The following MYO9A variants were observed in gnomAD, a reference collection of about 807,000 sequenced individuals.
MYO9A encodes myosin IXA, also known as unconventional myosin-IXa.
In MYO9A, 103 loss-of-function variants were observed where a neutral mutation model predicts 293.3. The ratio of observed to expected loss-of-function variants is 0.35; its 90% CI spans 0.30 to 0.41. MYO9A has a LOEUF of 0.41. MYO9A is among the 10% of genes least tolerant of loss of function. MYO9A has a pLI of 1.00. For synonymous variants in MYO9A, 1,001 were observed against 1,035.7 expected, an observed-to-expected ratio of 0.97 and a Z score of 0.64; for missense variants, 2,685 against 3,033.0, an observed-to-expected ratio of 0.89 and a Z score of 2.69.
At chr15:71,940,407 G>T (rs560657470) in intron 15 of MYO9A, among the ~76,000 whole-genome samples, 3 of 152,098 alleles carry the variant, frequency 2.0e-5, no homozygotes, top group African/African-American at 7.2e-5. Flanking sequence ...TGGGAGAACT[G>T]CTTGGGCCCC....
At chr15:72,099,627 G>A (rs112503014) in intron 1 of MYO9A, among the ~76,000 whole-genome samples, 1 of 151,732 alleles carries the variant, frequency 6.6e-6, no homozygotes, top group African/African-American at 2.4e-5. Flanking sequence ...CCAAGGCTGG[G>A]CGCGGTGGCT....
At chr15:72,003,862 T>G (rs568218113) in intron 8 of MYO9A, among the ~76,000 whole-genome samples, 4 of 152,170 alleles carry the variant, frequency 2.6e-5, no homozygotes, top group Non-Finnish European at 5.9e-5. Context: ...CAAATACAGT[T>G]GCTCATAAGG....
chr15:72,085,393 CAAA>C (rs766156056), intron 1 of MYO9A, among the ~76,000 whole-genome samples: 1 of 95,158 alleles, frequency 1.1e-5, no homozygotes. Context: ...GAGTCTGTCT[CAAA>C]AAAAAAAAAA....
At chr15:71,867,558 A>G (rs538374706) in intron 32 of MYO9A, among the ~76,000 whole-genome samples, 1 of 152,194 alleles carries the variant, frequency 6.6e-6, no homozygotes, top group East Asian at 1.9e-4. Context: ...ACCAAAGCCA[A>G]AAGAAAAATG....
At chr15:71,984,185 C>G (rs2076351009) in intron 11 of MYO9A, among the ~76,000 whole-genome samples, 1 of 152,170 alleles carries the variant, frequency 6.6e-6, no homozygotes, top group Non-Finnish European at 1.5e-5. Context: ...TGATTTTGCC[C>G]AACTGTAGGC....
intron 14 of MYO9A, chr15:71,959,623 C>A: frequency 3.9e-6 from 1 of 257,110 alleles, no homozygotes; most frequent in Non-Finnish European, 7.4e-6. Context: ...TTTAAAAATC[C>A]ATGAACTAAG....
chr15:72,110,435 C>CAA (rs397854173), intron 1 of MYO9A, among the ~76,000 whole-genome samples: 527 of 43,358 alleles, frequency 0.012, 1 homozygote, highest in Middle Eastern at 0.017. Flanking sequence ...GACTCCATCT[C>CAA]AAAAAAAAAA....
chr15:71,939,669 T>A (rs1214358325), intron 15 of MYO9A, among the ~76,000 whole-genome samples: 1 of 152,222 alleles, frequency 6.6e-6, no homozygotes, highest in Non-Finnish European at 1.5e-5. Flanking sequence ...ACGATGAATA[T>A]AAAAGAAATT....
At chr15:71,979,948 CT>C in intron 11 of MYO9A, among the ~76,000 whole-genome samples, 1 of 152,278 alleles carries the variant, frequency 6.6e-6, no homozygotes, top group East Asian at 1.9e-4. Context: ...AAGGAATAAA[CT>C]TTGAGAATCA....
At chr15:72,072,090 G>T (rs1161094619) in intron 1 of MYO9A, among the ~76,000 whole-genome samples, 1 of 142,990 alleles carries the variant, frequency 7.0e-6, no homozygotes, top group African/African-American at 2.6e-5. Flanking sequence ...AAAAAAAAAA[G>T]TATATATAAT....
intron 1 of MYO9A, among the ~76,000 whole-genome samples, chr15:72,081,644 T>C (rs772852173): frequency 2.6e-5 from 4 of 152,224 alleles, no homozygotes; most frequent in Non-Finnish European, 5.9e-5. Context: ...TGGTAGTGCC[T>C]AGGTTGTCTT....
At chr15:71,918,602 G>T (rs556736325) in intron 18 of MYO9A, among the ~76,000 whole-genome samples, 44 of 152,104 alleles carry the variant, frequency 2.9e-4, no homozygotes, top group African/African-American at 1.0e-3. Context: ...ACAGCTTCAC[G>T]GTATGTATAT....
chr15:71,997,674 C>T (rs984027940), intron 9 of MYO9A, among the ~76,000 whole-genome samples: 1 of 151,808 alleles, frequency 6.6e-6, no homozygotes, highest in Non-Finnish European at 1.5e-5. Context: ...CAGAAGGTTA[C>T]ATTCAAAGTT....
chr15:71,918,401 T>C (rs2058068321), intron 18 of MYO9A, among the ~76,000 whole-genome samples: 2 of 152,310 alleles, frequency 1.3e-5, no homozygotes, highest in African/African-American at 4.8e-5. Context: ...ATATAAAGTA[T>C]GCTTCATTTA....
intron 1 of MYO9A, among the ~76,000 whole-genome samples, chr15:72,087,818 T>C (rs137922965): frequency 6.6e-6 from 1 of 152,348 alleles, no homozygotes; most frequent in Non-Finnish European, 1.5e-5. Context: ...TTACCTTCTA[T>C]TCTTTTCTGC....
At chr15:72,106,602 T>A (rs536644264) in intron 1 of MYO9A, among the ~76,000 whole-genome samples, 27 of 152,304 alleles carry the variant, frequency 1.8e-4, no homozygotes, top group Non-Finnish European at 4.0e-4. Flanking sequence ...TCAAGGGTTT[T>A]TTTTTATTTT....
intron 14 of MYO9A, among the ~76,000 whole-genome samples, chr15:71,956,049 C>T (rs1450131915): frequency 6.6e-6 from 1 of 150,974 alleles, no homozygotes; most frequent in Non-Finnish European, 1.5e-5. Context: ...CACCTGTAAT[C>T]CCAGACACTC....
Position 72,039,916 on chromosome 15 carries a change from C to T in MYO9A, c.840+5808G>A, listed in dbSNP as rs28397237. On this transcript the variant is annotated intron_variant, in intron 2 of 41. Coordinates refer to ENST00000356056, the MANE Select transcript of MYO9A (RefSeq NM_006901.4). ...CCCCTGGTGACTTTGTCACAGCCTCCGTTCCTCTGTGATCTCCAGGTCCTG... is the reference window on the plus strand; with the variant it reads ...CCCCTGGTGACTTTGTCACAGCCTCTGTTCCTCTGTGATCTCCAGGTCCTG... 643 of 173,710 alleles carry T rather than the reference C, an allele frequency of 3.7e-3. 7 individuals are homozygous for T. The highest frequency in any genetic ancestry group is 0.015 in the African/African-American group (615 of 41,822). 10.8% of individuals were successfully genotyped at this position (173,710 alleles called of 1,614,324 possible). A position where few individuals can be genotyped will look rare whatever the true frequency, so the allele number is the denominator to read the frequency against.
intron 32 of MYO9A, among the ~76,000 whole-genome samples, chr15:71,868,740 A>G (rs1395113710): frequency 6.6e-6 from 1 of 152,176 alleles, no homozygotes; most frequent in Non-Finnish European, 1.5e-5. Context: ...ATAAGTTTAT[A>G]CTGGAGAAAG....
Sources: allele counts gnomAD v4.1 joint callset (sites outside exome capture counted in the v4.1 genomes callset), GRCh38; gene constraint gnomAD v4.1.1; transcripts MANE v1.5; gene names NCBI Gene and HGNC (gene_info 2026-07-23, HGNC 2026-07-21).